The following DGKZ variants were observed in gnomAD, a reference collection of about 807,000 sequenced individuals.
The protein encoded by DGKZ is diacylglycerol kinase zeta, also known as DAG kinase zeta.
DGKZ carries 45 observed loss-of-function variants against 142.5 expected under a neutral mutation model. The observed-to-expected ratio is 0.32, with a 90% confidence interval of 0.25 to 0.40. The LOEUF (loss-of-function observed/expected upper bound fraction) is 0.40, where lower values mean the gene tolerates loss of function less well. DGKZ is among the 10% of genes least tolerant of loss of function. The pLI is 1.00. For missense variants in DGKZ, 755 were observed against 1,306.5 expected (o/e 0.58, Z 6.51); for synonymous variants, 442 against 527.0 (o/e 0.84, Z 2.21).
rs760582481 is a variant in DGKZ, at chr11:46,375,960, G to A, written c.2011+9G>A. ...GCAGCTCAAGGAGGCCTGTGAGTGC[G>A]GTGGGGCGGCCTGGCAGGGTGGCCA... On this transcript the variant is annotated intron_variant, in intron 21 of 30. Transcript: ENST00000527911. 3.4e-5 allele frequency: 54 copies of A among 1,610,696 alleles called. No homozygotes were observed. The highest frequency in any genetic ancestry group is 3.5e-5 in the Non-Finnish European group (41 of 1,179,130).
chr11:46,372,344 C>G lies in DGKZ; in HGVS notation c.928-84C>G, dbSNP rs1944039379. ...CCCTCACCCCTTATTGGCCCTGGTT[C>G]CCACAGTCACACCCCTCTCCCTCTG... On this transcript the variant is annotated intron_variant, in intron 10 of 30. Coordinates refer to ENST00000527911, the Ensembl canonical transcript of DGKZ. The surrounding 1 kb of genome is among the most constrained non-coding windows in gnomAD (Gnocchi z 5.9). The G allele has an allele frequency of 2.7e-6, 4 of 1,483,830 alleles. No homozygotes were observed. The East Asian group carries it at 6.8e-5, about 25-fold the overall frequency. The allele number at this position is 1,483,830 out of a possible 1,614,324, so 91.9% of individuals were successfully genotyped here.
intron 1 of DGKZ, among the ~76,000 whole-genome samples, chr11:46,351,824 G>T (rs186183741): frequency 6.6e-6 from 1 of 152,234 alleles, no homozygotes; most frequent in East Asian, 1.9e-4. Flanking sequence ...TGGGAACCCA[G>T]TGTAGAATTC....
rs2136494662 is a variant in DGKZ, at chr11:46,374,030, A to AG, written c.1327-126dup. ...CAGCGGGTGAGCTGGGCTGAGCCCT[A>AG]GCGGACGCTGCTGACCAGGAAAAGC... On this transcript the variant is annotated intron_variant, in intron 14 of 30. Coordinates refer to ENST00000527911, the Ensembl canonical transcript of DGKZ. 3 of 981,412 alleles carry AG rather than the reference A, an allele frequency of 3.1e-6. No homozygotes were observed. The South Asian group carries it at 4.4e-5, about 14-fold the overall frequency. The allele number at this position is 981,412 out of a possible 1,614,324, so 60.8% of individuals were successfully genotyped here.
intron 4 of DGKZ, chr11:46,368,384 G>A (rs770652203): frequency 4.3e-5 from 18 of 414,302 alleles, no homozygotes; most frequent in Admixed American, 6.8e-5. Flanking sequence ...CTAGTGCTTA[G>A]AAGAGGCCAT....
In DGKZ at chr11:46,347,584, G is replaced by A; in HGVS notation, c.-76G>A. The A allele has an allele frequency of 2.7e-6, 3 of 1,127,664 alleles. No individual in the cohort carries two copies. Among genetic ancestry groups the A allele is most frequent in the East Asian group, 4.5e-5 (1 of 22,166 alleles). The allele number at this position is 1,127,664 out of a possible 1,614,324, so 69.9% of individuals were successfully genotyped here. A position where few individuals can be genotyped will look rare whatever the true frequency, so the allele number is the denominator to read the frequency against. On this transcript the variant is annotated 5_prime_UTR_variant, in exon 1 of 31. Transcript: ENST00000527911. The surrounding 1 kb of genome is among the most constrained non-coding windows in gnomAD (Gnocchi z 6.4). ...ATGGAGGTGGCGGGCGGCGCGGAGC[G>A]GGCGTGCTGAGCCCCGGCCGCCGGC...
chr11:46,362,389 T>C (rs1419085702), intron 1 of DGKZ, among the ~76,000 whole-genome samples: 3 of 152,160 alleles, frequency 2.0e-5, no homozygotes, highest in African/African-American at 4.8e-5. Flanking sequence ...CTGTTCCTCA[T>C]GCGGTGGGTG....
chr11:46,347,369 G>A (rs1160406223), upstream of DGKZ: 3 of 984,232 alleles, frequency 3.0e-6, no homozygotes, highest in African/African-American at 1.8e-5. The surrounding 1 kb of genome is among the most constrained non-coding windows in gnomAD (Gnocchi z 6.4). Context: ...AGGGCGCTGC[G>A]GGCCCGGTGC....
upstream of DGKZ, among the ~76,000 whole-genome samples, chr11:46,343,207 C>T (rs923113620): frequency 6.6e-6 from 1 of 152,094 alleles, no homozygotes; most frequent in Admixed American, 6.5e-5. Context: ...CAAAGAGCTA[C>T]GTTACATATT....
exon 23 of DGKZ, chr11:46,376,376 C>A (rs1590633357): frequency 6.2e-7 from 1 of 1,614,122 alleles, no homozygotes; most frequent in African/African-American, 1.3e-5. Context: ...GAAACTGTCC[C>A]CCAAGTGGTG....
At chr11:46,378,705 C>T in intron 27 of DGKZ, 2 of 851,762 alleles carry the variant, frequency 2.3e-6, no homozygotes, top group East Asian at 2.6e-5. Context: ...GTAGGGGCTT[C>T]CTAGCTCAGT....
upstream of DGKZ, chr11:46,345,369 C>A (rs1448227276): frequency 3.6e-6 from 5 of 1,401,232 alleles, no homozygotes; most frequent in South Asian, 4.8e-5. The surrounding 1 kb of genome is among the most constrained non-coding windows in gnomAD (Gnocchi z 4.1). Flanking sequence ...ACCCCACCCC[C>A]GTCAGGAAGT....
chr11:46,368,195 G>C, intron 4 of DGKZ, 116 bp downstream of exon 4: 1 of 1,095,518 alleles, frequency 9.1e-7, no homozygotes, highest in South Asian at 1.3e-5. Flanking sequence ...CCAGCACTCG[G>C]GGGTGAAGAG....
Position 46,367,470 on chromosome 11 carries a change from G to T in DGKZ, c.270+71G>T. 3.3e-6 allele frequency: 5 copies of T among 1,514,366 alleles called. No individual in the cohort carries two copies. The highest frequency in any genetic ancestry group is 4.5e-6 in the Non-Finnish European group (5 of 1,106,182). The allele number at this position is 1,514,366 out of a possible 1,614,324, so 93.8% of individuals were successfully genotyped here. On this transcript the variant is annotated intron_variant, in intron 2 of 30. Transcript: ENST00000527911. The surrounding 1 kb of genome is among the most constrained non-coding windows in gnomAD (Gnocchi z 4.1). ...GCCAAGGCGCAGCTGGCGGGTGGAG[G>T]CACTAAAGGCAGCTGGGAGAGCCAA...
chr11:46,379,726 T>C, intron 30 of DGKZ, 105 bp from the exon 31 acceptor site: 1 of 1,316,302 alleles, frequency 7.6e-7, no homozygotes, highest in East Asian at 2.5e-5. Flanking sequence ...CAGAGAGGCC[T>C]CCCTCCCTGA....
intron 24 of DGKZ, chr11:46,376,830 C>T (rs1326815735): frequency 4.7e-6 from 3 of 637,742 alleles, no homozygotes; most frequent in Non-Finnish European, 8.1e-6. Context: ...CCAGAGCCAT[C>T]CAGGGAGACA....
intron 27 of DGKZ, 75 bp from the exon 28 acceptor site, chr11:46,378,916 G>T: frequency 6.7e-7 from 1 of 1,492,238 alleles, no homozygotes; most frequent in Non-Finnish European, 8.9e-7. Flanking sequence ...GTACCCGGCT[G>T]TGGGCCAGCG....
At chr11:46,364,841 TTCTG>T (rs1173654779) in intron 1 of DGKZ, 13 of 985,288 alleles carry the variant, frequency 1.3e-5, no homozygotes, top group Non-Finnish European at 1.4e-5. Flanking sequence ...ACAGGGCTTC[TTCTG>T]TCAGCCCCAG....
chr11:46,379,244 T>G lies in DGKZ; in HGVS notation c.2573+8T>G. The G allele has an allele frequency of 6.2e-7, 1 of 1,603,644 alleles. No individual in the cohort carries two copies. On this transcript the variant is annotated splice_region_variant and intron_variant, in intron 29 of 30. Transcript: ENST00000527911. ...TGATGCGGTGGAGGAAAAGTAAGTA[T>G]CTGGGCAGTGCAGAACCGTGGTCAC...
chr11:46,333,234 C>A, exon 1 of DGKZ: 1 of 1,241,290 alleles, frequency 8.1e-7, no homozygotes, highest in Non-Finnish European at 1.0e-6. Flanking sequence ...TGAGCGGGTG[C>A]CCGAAAGGCC....
Sources: gnomAD v4.1 joint callset for allele counts (sites outside exome capture counted in the v4.1 genomes callset) on GRCh38, gnomAD v4.1.1 for gene constraint, Gnocchi (gnomAD v3.1) non-coding constraint, MANE v1.5 for transcripts, NCBI Gene and HGNC (gene_info 2026-07-23, HGNC 2026-07-21) for gene names.